The following GABRG3 variants were observed in gnomAD, a reference collection of about 807,000 sequenced individuals.
The protein encoded by GABRG3 is gamma-aminobutyric acid type A receptor subunit gamma3.
GABRG3 carries 25 observed loss-of-function variants against 48.8 expected under a neutral mutation model. That is an observed-to-expected ratio of 0.51 (90% CI 0.37 to 0.72). The LOEUF (loss-of-function observed/expected upper bound fraction) is 0.72. Ranked by LOEUF, GABRG3 falls within the 30% of genes least tolerant of loss-of-function variation. The pLI, the probability that GABRG3 is intolerant of heterozygous loss-of-function variation, is 0.00. For synonymous variants in GABRG3, 227 were observed against 217.6 expected (o/e 1.04, Z -0.38); for missense variants, 394 against 577.9 (o/e 0.68, Z 3.26).
rs73371689 is a variant in GABRG3, at chr15:27,141,787, C to T, written c.270+114966C>T. 7.2e-3 allele frequency among the ~76,000 whole-genome samples: 1,103 copies of T among 152,308 alleles called. 21 individuals are homozygous for T. Among genetic ancestry groups the T allele is most frequent in the African/African-American group, 0.025 (1,057 of 41,582 alleles). ...AATGAAGACCCGACTGAAAACCTAG[C>T]AATAGGACTACAGAGGAATTAGTCT... On this transcript the variant is annotated intron_variant, in intron 3 of 9. Transcript: ENST00000615808.
At chr15:27,181,649 T>G (rs1375339438) in intron 3 of GABRG3, among the ~76,000 whole-genome samples, 1 of 152,228 alleles carries the variant, frequency 6.6e-6, no homozygotes, top group African/African-American at 2.4e-5. Flanking sequence ...TTCTGTTATA[T>G]ATCTATGGCA....
chr15:27,097,667 C>T (rs1897287603), intron 3 of GABRG3, among the ~76,000 whole-genome samples: 1 of 152,112 alleles, frequency 6.6e-6, no homozygotes, highest in South Asian at 2.1e-4. Flanking sequence ...CCTACCCAGT[C>T]CCCACTGAGT....
At chr15:27,410,796 T>C (rs1887771269) in intron 5 of GABRG3, among the ~76,000 whole-genome samples, 2 of 152,038 alleles carry the variant, frequency 1.3e-5, no homozygotes, top group South Asian at 4.2e-4. Context: ...CCTTTAGCAC[T>C]TTGTTGAGCA....
intron 6 of GABRG3, among the ~76,000 whole-genome samples, chr15:27,493,292 A>G (rs576455653): frequency 6.6e-6 from 1 of 152,274 alleles, no homozygotes; most frequent in Non-Finnish European, 1.5e-5. Context: ...AAAAGTGGGG[A>G]AAAATATAAA....
rs539622992 is a variant in GABRG3 at position 27,319,678 on chromosome 15, G to A, written c.271-7131G>A. On this transcript the variant is annotated intron_variant, in intron 3 of 9. Transcript: ENST00000615808. The surrounding 1 kb of genome is among the most constrained non-coding windows in gnomAD (Gnocchi z 4.4). ...CGTGGGCAGAGCACAAATGGGATGG[G>A]GAGGAAGGGAGGTCTGTGCCGGGAT... Among the ~76,000 whole-genome samples, 380 of 152,248 alleles carry A rather than the reference G, an allele frequency of 2.5e-3. No homozygotes were observed. Among genetic ancestry groups the A allele is most frequent in the African/African-American group, 8.9e-3 (369 of 41,546 alleles).
intron 3 of GABRG3, among the ~76,000 whole-genome samples, chr15:27,085,986 A>G (rs963012084): frequency 6.6e-6 from 1 of 152,198 alleles, no homozygotes; most frequent in African/African-American, 2.4e-5. Context: ...AACCAACTCC[A>G]AATTTGCATT....
intron 3 of GABRG3, among the ~76,000 whole-genome samples, chr15:27,103,978 C>T (rs893144706): frequency 6.6e-6 from 1 of 152,160 alleles, no homozygotes; most frequent in Non-Finnish European, 1.5e-5. Flanking sequence ...GATAAATAAG[C>T]ACTTGTATTA....
At chr15:27,213,577 G>A (rs1458226672) in intron 3 of GABRG3, among the ~76,000 whole-genome samples, 5 of 152,230 alleles carry the variant, frequency 3.3e-5, no homozygotes, top group African/African-American at 1.2e-4. Context: ...TCAAAGTTCA[G>A]TTGGATTATG....
intron 3 of GABRG3, among the ~76,000 whole-genome samples, chr15:27,258,785 G>C (rs1380487360): frequency 2.0e-5 from 3 of 152,116 alleles, no homozygotes; most frequent in African/African-American, 7.2e-5. Context: ...TTTTGAAAAT[G>C]TACAGTAAGT....
At chr15:27,174,980 C>T (rs552421169) in intron 3 of GABRG3, among the ~76,000 whole-genome samples, 8 of 152,236 alleles carry the variant, frequency 5.3e-5, no homozygotes, top group African/African-American at 1.9e-4. Flanking sequence ...TAGAACCTTC[C>T]ATTGCTCTGA....
At chr15:27,333,168 A>G (rs1276124994) in intron 5 of GABRG3, among the ~76,000 whole-genome samples, 2 of 152,206 alleles carry the variant, frequency 1.3e-5, no homozygotes, top group African/African-American at 2.4e-5. Flanking sequence ...ACTGAACCAT[A>G]AAGAATATTC....
intron 2 of GABRG3, among the ~76,000 whole-genome samples, chr15:27,024,494 A>G (rs1431512619): frequency 6.6e-6 from 1 of 152,140 alleles, no homozygotes; most frequent in Admixed American, 6.5e-5. Context: ...GCATAAGGTA[A>G]GGGTCCAACT....
chr15:27,008,817 G>T (rs138581938), intron 2 of GABRG3, among the ~76,000 whole-genome samples: 2,998 of 152,294 alleles, frequency 0.02, 40 homozygotes, highest in Non-Finnish European at 0.03. Context: ...CTGCAGTGCT[G>T]CTCTGGGGTA....
intron 3 of GABRG3, among the ~76,000 whole-genome samples, chr15:27,284,381 C>T (rs1308423741): frequency 6.6e-6 from 1 of 151,896 alleles, no homozygotes; most frequent in African/African-American, 2.4e-5. Context: ...GCCAAGTGAC[C>T]CTTGATATCA....
intron 3 of GABRG3, among the ~76,000 whole-genome samples, chr15:27,176,022 T>G (rs1332703458): frequency 1.6e-5 from 2 of 128,638 alleles, no homozygotes; most frequent in East Asian, 2.1e-4. Flanking sequence ...GTAAACAGTA[T>G]GCTGGGAAAA....
chr15:27,227,723 T>A (rs1032954548), intron 3 of GABRG3, among the ~76,000 whole-genome samples: 2 of 152,036 alleles, frequency 1.3e-5, no homozygotes, highest in African/African-American at 4.8e-5. Flanking sequence ...AATTTTTTTT[T>A]ATCTACAAAA....
intron 3 of GABRG3, among the ~76,000 whole-genome samples, chr15:27,256,450 A>AAAG (rs1890623081): frequency 6.6e-6 from 1 of 151,022 alleles, no homozygotes; most frequent in South Asian, 2.1e-4. Context: ...CAAAAAAAAA[A>AAAG]AAAAAGAAAA....
chr15:27,324,304 C>T (rs932324929), intron 3 of GABRG3, among the ~76,000 whole-genome samples: 5 of 152,140 alleles, frequency 3.3e-5, no homozygotes, highest in African/African-American at 9.7e-5. Flanking sequence ...GAAGACCTAT[C>T]TGATCTCCCT....
intron 3 of GABRG3, among the ~76,000 whole-genome samples, chr15:27,313,498 G>A (rs191675337): frequency 3.1e-4 from 47 of 150,748 alleles, no homozygotes; most frequent in African/African-American, 1.0e-3. Flanking sequence ...TAACACAAAC[G>A]TACAGAACAT....
Sources: allele counts gnomAD v4.1 joint callset (sites outside exome capture counted in the v4.1 genomes callset), GRCh38; gene constraint gnomAD v4.1.1; non-coding constraint Gnocchi (gnomAD v3.1); transcripts MANE v1.5; gene names NCBI Gene and HGNC (gene_info 2026-07-23, HGNC 2026-07-21).